The following SRRM3 variants were observed in gnomAD, a reference collection of about 807,000 sequenced individuals.
SRRM3 encodes serine/arginine repetitive matrix 3.
Under a neutral mutation model 66.2 loss-of-function variants are expected in SRRM3, and 27 were observed. The observed-to-expected ratio is 0.41, with a 90% CI of 0.30 to 0.56. The LOEUF (loss-of-function observed/expected upper bound fraction) is 0.56, where lower values mean the gene tolerates loss of function less well. SRRM3 is among the 20% of genes least tolerant of loss of function. The probability of loss-of-function intolerance (pLI) is 0.32; values close to 1 mark genes in which losing one functional copy is unlikely to be tolerated. For synonymous variants in SRRM3, 391 were observed against 414.9 expected (o/e 0.94, Z 0.70); for missense variants, 918 against 991.9 (o/e 0.93, Z 1.00).
At chr7:76,258,115 G>GT in intron 3 of SRRM3, among the ~76,000 whole-genome samples, 1 of 152,230 alleles carries the variant, frequency 6.6e-6, no homozygotes, top group Non-Finnish European at 1.5e-5. Flanking sequence ...GGAGAGTTCT[G>GT]TAAGATGGAT....
chr7:76,285,650 G>C lies in SRRM3; in HGVS notation c.1769G>C (p.Ser590Thr). 6.4e-7 allele frequency: 1 copy of C among 1,551,054 alleles called. No individual in the cohort carries two copies. The change falls in exon 15 of 15, where the codon AGC becomes ACC. Residue 590 changes from serine (S) to threonine (T), a missense_variant. By Grantham distance (58) the Ser-to-Thr change is moderately conservative. Coordinates refer to ENST00000611745, the MANE Select transcript of SRRM3 (RefSeq NM_001110199.3). The surrounding 1 kb of genome is among the most constrained non-coding windows in gnomAD (Gnocchi z 4.1). ...CGTCCTATTCCATACTACCGGCCCA[G>C]CCCCTCTTCCTCCTCCAGCTGCTTG... is the stretch of plus-strand genomic sequence containing the variant. Reference protein sequence around the residue: ...RKRPIPYYRPSPSSSSSCLSS... With the variant: ...RKRPIPYYRPTPSSSSSCLSS...
chr7:76,271,778 G>A (rs1554610543), intron 11 of SRRM3, among the ~76,000 whole-genome samples: 1 of 152,204 alleles, frequency 6.6e-6, no homozygotes, highest in Non-Finnish European at 1.5e-5. Context: ...GATTTGGGAG[G>A]TGGTTGCTGG....
chr7:76,217,738 A>C (rs545241730), intron 1 of SRRM3, among the ~76,000 whole-genome samples: 1 of 152,264 alleles, frequency 6.6e-6, no homozygotes, highest in South Asian at 2.1e-4. Flanking sequence ...TATTGATAAG[A>C]TGTCCCAATA....
At chr7:76,277,748 A>G (rs1183257064) in intron 11 of SRRM3, among the ~76,000 whole-genome samples, 11 of 149,228 alleles carry the variant, frequency 7.4e-5, no homozygotes. Flanking sequence ...GAGAGAGAGA[A>G]AGAAAGAAAA....
chr7:76,251,617 G>A (rs1330282347), intron 3 of SRRM3, among the ~76,000 whole-genome samples: 2 of 152,108 alleles, frequency 1.3e-5, no homozygotes, highest in East Asian at 1.9e-4. Flanking sequence ...CTTGTGATCC[G>A]CCTGCCTTGG....
intron 1 of SRRM3, among the ~76,000 whole-genome samples, chr7:76,218,926 C>T (rs1205583509): frequency 2.0e-5 from 3 of 152,070 alleles, no homozygotes; most frequent in Admixed American, 6.6e-5. Flanking sequence ...GTGATCTTGG[C>T]TCATTGCCAC....
intron 2 of SRRM3, among the ~76,000 whole-genome samples, chr7:76,243,953 C>T (rs1282510350): frequency 1.3e-5 from 2 of 152,214 alleles, no homozygotes; most frequent in Non-Finnish European, 1.5e-5. Context: ...CACTGCCCAA[C>T]TCACATGCCC....
chr7:76,242,285 G>T (rs186040585), intron 2 of SRRM3, among the ~76,000 whole-genome samples: 2 of 152,264 alleles, frequency 1.3e-5, no homozygotes, highest in Non-Finnish European at 2.9e-5. Flanking sequence ...GGGAGTTCGA[G>T]ACCAGCCTGA....
intron 11 of SRRM3, chr7:76,269,124 C>T (rs1802145860): frequency 6.6e-6 from 1 of 152,428 alleles, no homozygotes; most frequent in Non-Finnish European, 1.5e-5. Flanking sequence ...TCTAGGCATC[C>T]CCAGGATAGG....
chr7:76,279,939 A>T (rs1802451275), intron 11 of SRRM3, among the ~76,000 whole-genome samples: 1 of 152,004 alleles, frequency 6.6e-6, no homozygotes, highest in Non-Finnish European at 1.5e-5. Context: ...CAGGCCTAGA[A>T]TGGGGTGGTT....
intron 1 of SRRM3, among the ~76,000 whole-genome samples, chr7:76,231,317 G>C (rs1322576326): frequency 6.6e-6 from 1 of 152,138 alleles, no homozygotes; most frequent in Admixed American, 6.6e-5. Flanking sequence ...TCTTCACATA[G>C]CTCTCCTTTC....
At chr7:76,254,607 C>A (rs1333080307) in intron 3 of SRRM3, among the ~76,000 whole-genome samples, 1 of 152,174 alleles carries the variant, frequency 6.6e-6, no homozygotes, top group Non-Finnish European at 1.5e-5. Flanking sequence ...CACGAGCCAC[C>A]GCACCCAGCC....
At chr7:76,217,680 A>T (rs1283374194) in intron 1 of SRRM3, among the ~76,000 whole-genome samples, 1 of 152,166 alleles carries the variant, frequency 6.6e-6, no homozygotes, top group Non-Finnish European at 1.5e-5. Context: ...GGCACAATTT[A>T]TAGGTATGGG....
rs1032623632 is a variant in SRRM3, at chr7:76,225,689, T to G, written c.-39-9339T>G. Reference sequence around the variant, plus strand: ...TGAGGCCAAGAGTTTGAGACCAGCCTGGGCAACAACGTGAGACCCTGTCTC... The same window carrying G: ...TGAGGCCAAGAGTTTGAGACCAGCCGGGGCAACAACGTGAGACCCTGTCTC... On this transcript the variant is annotated intron_variant, in intron 1 of 14. Coordinates refer to ENST00000611745, the MANE Select transcript of SRRM3 (RefSeq NM_001110199.3). 2.0e-5 allele frequency among the ~76,000 whole-genome samples: 3 copies of G among 152,252 alleles called. No individual in the cohort carries two copies. The South Asian group carries it at 6.2e-4, about 32-fold the overall frequency.
rs150039709 is a variant in SRRM3, at chr7:76,222,897, T to C, written c.-39-12131T>C. Among the ~76,000 whole-genome samples, 358 of 152,248 alleles carry C rather than the reference T, an allele frequency of 2.4e-3. 3 individuals are homozygous for C. Among genetic ancestry groups the C allele is most frequent in the African/African-American group, 7.8e-3 (325 of 41,560 alleles). On this transcript the variant is annotated intron_variant, in intron 1 of 14. Transcript: ENST00000611745. The stretch of plus-strand genomic sequence containing the variant: ...TCCCAAAGTGCTGGAATTACAGGAT[T>C]GAGCCACCGCGCCCAGCTTCAAGTC...
At chr7:76,211,773 ATC>A (rs1800436010) in intron 1 of SRRM3, among the ~76,000 whole-genome samples, 1 of 151,398 alleles carries the variant, frequency 6.6e-6, no homozygotes, top group African/African-American at 2.4e-5. Context: ...CTGATTCCAA[ATC>A]TGAGTGTGGG....
intron 11 of SRRM3, chr7:76,269,920 A>G (rs185124600): frequency 1.3e-5 from 2 of 151,614 alleles, no homozygotes; most frequent in African/African-American, 4.8e-5. Context: ...CATTAATCAT[A>G]TACACATCTC....
At chr7:76,221,136 C>A (rs1326723381) in intron 1 of SRRM3, among the ~76,000 whole-genome samples, 1 of 151,650 alleles carries the variant, frequency 6.6e-6, no homozygotes, top group Non-Finnish European at 1.5e-5. Flanking sequence ...CAGTTCACCG[C>A]AACCTCCGCC....
Position 76,281,680 on chromosome 7 carries a change from C to T in SRRM3, c.1248C>T (p.Pro416=). ...GCCGGCGCCCCCGGCCCGCGCCCCC[C>T]CGGGGCTCGTCGCGCTCGCTCAGCA... ...RGRRRPRPAP[P]RGSSRSLSRA... Residue 416 remains proline (P), a synonymous_variant, in exon 12 of 15, where the codon CCC becomes CCT. Coordinates refer to ENST00000611745, the MANE Select transcript of SRRM3 (RefSeq NM_001110199.3). 1 of 1,014,042 alleles carries T rather than the reference C, an allele frequency of 9.9e-7. No individual in the cohort carries two copies. The allele number at this position is 1,014,042 out of a possible 1,614,324, so 62.8% of individuals were successfully genotyped here.
Sources: allele counts gnomAD v4.1 joint callset (sites outside exome capture counted in the v4.1 genomes callset), GRCh38; gene constraint gnomAD v4.1.1; non-coding constraint Gnocchi (gnomAD v3.1); transcripts MANE v1.5; gene names NCBI Gene and HGNC (gene_info 2026-07-23, HGNC 2026-07-21).